TTC28: variants seen among roughly 807,000 people sequenced by gnomAD.
TTC28 encodes tetratricopeptide repeat protein 28.
TTC28 carries 61 observed loss-of-function variants against 198.0 expected under a neutral mutation model. The ratio of observed to expected loss-of-function variants is 0.31; its 90% CI spans 0.25 to 0.38. The LOEUF is 0.38. TTC28 is among the 10% of genes least tolerant of loss of function. The pLI, the probability that TTC28 is intolerant of heterozygous loss-of-function variation, is 1.00. For synonymous variants in TTC28, 1,171 were observed against 1,297.8 expected (o/e 0.90, Z 2.10); for missense variants, 2,678 against 3,164.0 (o/e 0.85, Z 3.69).
intron 1 of TTC28, among the ~76,000 whole-genome samples, chr22:28,677,158 G>GAAAAAAA (rs35292146): frequency 6.7e-5 from 3 of 45,070 alleles, no homozygotes; most frequent in African/African-American, 9.6e-5. Context: ...TCCATCTCAG[G>GAAAAAAA]AAAAAAAAAA....
At chr22:28,011,515 G>A (rs1054532770) in intron 14 of TTC28, among the ~76,000 whole-genome samples, 2 of 152,166 alleles carry the variant, frequency 1.3e-5, no homozygotes, top group African/African-American at 4.8e-5. Context: ...GGGAGTGCTT[G>A]AGCCTGGGAG....
At chr22:28,199,637 T>A (rs1036334817) in intron 5 of TTC28, among the ~76,000 whole-genome samples, 3 of 150,940 alleles carry the variant, frequency 2.0e-5, no homozygotes, top group African/African-American at 7.3e-5. Flanking sequence ...TAAAACAAGC[T>A]CTGGAGGAGG....
chr22:28,474,584 C>A (rs1245329989), intron 2 of TTC28, among the ~76,000 whole-genome samples: 1 of 152,188 alleles, frequency 6.6e-6, no homozygotes, highest in Non-Finnish European at 1.5e-5. Context: ...GCCCTCAGAA[C>A]ACTGACATCA....
intron 5 of TTC28, among the ~76,000 whole-genome samples, chr22:28,240,776 T>G (rs1185878608): frequency 6.6e-6 from 1 of 152,048 alleles, no homozygotes; most frequent in African/African-American, 2.4e-5. Context: ...AAATAAATGC[T>G]CAAAGAATAA....
intron 5 of TTC28, among the ~76,000 whole-genome samples, chr22:28,285,876 A>G (rs370708122): frequency 2.1e-4 from 32 of 152,212 alleles, no homozygotes; most frequent in East Asian, 7.7e-4. Context: ...AACAACAACA[A>G]AACCCAAAAA....
chr22:28,460,594 T>G (rs1286016549), intron 2 of TTC28, among the ~76,000 whole-genome samples: 1 of 151,254 alleles, frequency 6.6e-6, no homozygotes, highest in Non-Finnish European at 1.5e-5. Context: ...AATAGATGGA[T>G]AGATGATTAA....
intron 2 of TTC28, among the ~76,000 whole-genome samples, chr22:28,543,834 A>G (rs930589957): frequency 6.6e-6 from 1 of 152,208 alleles, no homozygotes; most frequent in Non-Finnish European, 1.5e-5. Flanking sequence ...ACAGATGAAA[A>G]AATTCTAAAT....
At chr22:28,089,608 T>C (rs566961844) in intron 12 of TTC28, among the ~76,000 whole-genome samples, 10 of 150,448 alleles carry the variant, frequency 6.6e-5, no homozygotes, top group African/African-American at 2.4e-4. Context: ...GGCACGTGTA[T>C]ACATATGTAA....
intron 17 of TTC28, among the ~76,000 whole-genome samples, chr22:27,994,021 C>T (rs954163491): frequency 2.0e-5 from 3 of 152,232 alleles, no homozygotes; most frequent in East Asian, 1.9e-4. Flanking sequence ...CTCCCTCCAC[C>T]GGGAAGTGCC....
chr22:28,660,995 G>A lies in TTC28; in HGVS notation c.102+18627C>T, dbSNP rs550092381. 2.6e-5 allele frequency among the ~76,000 whole-genome samples: 4 copies of A among 151,918 alleles called. No homozygotes were observed. In the East Asian group the frequency reaches 7.8e-4, roughly 29 times the overall value. Reference sequence around the variant, plus strand: ...TTCTTTTGCTATCTTAAAAACTACTGCTTTTAAGGCCAGCCGCAGTGGCTT... The same window carrying A: ...TTCTTTTGCTATCTTAAAAACTACTACTTTTAAGGCCAGCCGCAGTGGCTT... On this transcript the variant is annotated intron_variant, in intron 1 of 22. Transcript: ENST00000397906.
At chr22:28,645,149 A>C (rs1003619657) in intron 1 of TTC28, among the ~76,000 whole-genome samples, 1 of 152,048 alleles carries the variant, frequency 6.6e-6, no homozygotes, top group East Asian at 1.9e-4. Context: ...TCTCAAAAAA[A>C]AAAAATGCTC....
At chr22:28,184,625 T>C (rs1176118394) in intron 5 of TTC28, among the ~76,000 whole-genome samples, 4 of 152,170 alleles carry the variant, frequency 2.6e-5, no homozygotes, top group Non-Finnish European at 4.4e-5. Flanking sequence ...TTATTATTTT[T>C]TGATTTGCTT....
At chr22:28,579,626 ATGTGTG>A (rs71194778) in intron 2 of TTC28, among the ~76,000 whole-genome samples, 1 of 148,458 alleles carries the variant, frequency 6.7e-6, no homozygotes, top group African/African-American at 2.5e-5. Flanking sequence ...ACATATACAA[ATGTGTG>A]TGTGTGTGTG....
intron 2 of TTC28, among the ~76,000 whole-genome samples, chr22:28,498,726 A>C (rs1601473089): frequency 6.6e-6 from 1 of 152,188 alleles, no homozygotes; most frequent in African/African-American, 2.4e-5. Flanking sequence ...GCCCCCAGAA[A>C]AGTCCCTACA....
chr22:28,130,463 T>C (rs1175703464), intron 6 of TTC28, among the ~76,000 whole-genome samples: 4 of 152,238 alleles, frequency 2.6e-5, no homozygotes, highest in East Asian at 1.9e-4. Flanking sequence ...AATTTTGTTT[T>C]AGCATAAAAT....
intron 6 of TTC28, among the ~76,000 whole-genome samples, chr22:28,139,128 C>T (rs889315588): frequency 6.6e-6 from 1 of 152,252 alleles, no homozygotes; most frequent in East Asian, 1.9e-4. Context: ...AAAACAAACA[C>T]ATTTAATGAT....
At chr22:28,267,356 T>C (rs1162387466) in intron 5 of TTC28, among the ~76,000 whole-genome samples, 1 of 152,204 alleles carries the variant, frequency 6.6e-6, no homozygotes, top group African/African-American at 2.4e-5. Flanking sequence ...GGCATATCAA[T>C]GTGGAAGAAA....
In TTC28 at chr22:27,983,029, G is replaced by A. The variant is rs778483279; in HGVS notation, c.6638C>T (p.Ala2213Val). 1.4e-5 allele frequency: 21 copies of A among 1,551,696 alleles called. No homozygotes were observed. The highest frequency in any genetic ancestry group is 1.7e-5 in the Non-Finnish European group (19 of 1,146,984). Reference protein sequence around the residue: ...TAVFRASETSAFSRPVLSHQK... With the variant: ...TAVFRASETSVFSRPVLSHQK... ...ATGGGAGAGAACAGGCCTGCTGAAC[G>A]CACTGGTTTCTGACGCTCTGAAGAC... Residue 2213 changes from alanine (A) to valine (V), a missense_variant, in exon 23 of 23, where the codon GCG (alanine) becomes GTG (valine). Ala to Val is a moderately conservative substitution (Grantham distance 64). This residue lies in a region of TTC28 where 622 missense variants were observed against 656.0 expected (regional missense o/e 0.95). Transcript: ENST00000397906.
At chr22:28,143,806 T>C (rs762786786) in intron 6 of TTC28, among the ~76,000 whole-genome samples, 10 of 152,154 alleles carry the variant, frequency 6.6e-5, no homozygotes, top group East Asian at 5.8e-4. Context: ...TAAAACCATA[T>C]AAGGGAAGAA....
Sources: allele counts gnomAD v4.1 joint callset (sites outside exome capture counted in the v4.1 genomes callset), GRCh38; gene constraint gnomAD v4.1.1; regional missense constraint gnomAD v4.1.1; transcripts MANE v1.5; gene names NCBI Gene and HGNC (gene_info 2026-07-23, HGNC 2026-07-21).